Variants in SIPA1L1 observed in about 807,000 individuals in gnomAD.
The protein encoded by SIPA1L1 is signal-induced proliferation-associated 1-like protein 1.
A neutral mutation model predicts 162.7 loss-of-function variants in SIPA1L1; 26 were observed. The observed-to-expected ratio is 0.16, with a 90% CI of 0.12 to 0.22. The LOEUF (loss-of-function observed/expected upper bound fraction) is 0.22, where lower values mean the gene tolerates loss of function less well. SIPA1L1 is among the 10% of genes least tolerant of loss of function. The pLI is 1.00. For missense variants in SIPA1L1, 1,874 were observed against 2,241.0 expected (o/e 0.84, Z 3.31); for synonymous variants, 829 against 837.4 (o/e 0.99, Z 0.17).
At chr14:71,370,292 T>C (rs1215754321) in intron 2 of SIPA1L1, among the ~76,000 whole-genome samples, 3 of 151,868 alleles carry the variant, frequency 2.0e-5, no homozygotes, top group Non-Finnish European at 2.9e-5. Context: ...TTATATTGGC[T>C]GTGGGTTTGT....
chr14:71,514,884 G>T (rs1348230048), intron 3 of SIPA1L1, among the ~76,000 whole-genome samples: 1 of 152,158 alleles, frequency 6.6e-6, no homozygotes, highest in Non-Finnish European at 1.5e-5. Context: ...TATATCAATA[G>T]ATTTTAGACT....
At chr14:71,424,695 C>T (rs2043432979) in intron 2 of SIPA1L1, among the ~76,000 whole-genome samples, 1 of 151,986 alleles carries the variant, frequency 6.6e-6, no homozygotes, top group Admixed American at 6.6e-5. Flanking sequence ...AGGATTTTTG[C>T]ATCGGTATTC....
intron 13 of SIPA1L1, among the ~76,000 whole-genome samples, chr14:71,697,029 A>G (rs963742809): frequency 1.3e-5 from 2 of 152,054 alleles, no homozygotes; most frequent in African/African-American, 4.8e-5. Flanking sequence ...GGAGATGAGG[A>G]TGGGGTTTGG....
At chr14:71,354,056 C>T (rs2036981960) in intron 2 of SIPA1L1, among the ~76,000 whole-genome samples, 1 of 151,612 alleles carries the variant, frequency 6.6e-6, no homozygotes, top group South Asian at 2.1e-4. Flanking sequence ...TTTTTTTTTC[C>T]CCGTTTCTCT....
chr14:71,720,129 T>C (rs1379612288), intron 17 of SIPA1L1, among the ~76,000 whole-genome samples: 1 of 152,194 alleles, frequency 6.6e-6, no homozygotes, highest in Non-Finnish European at 1.5e-5. Flanking sequence ...AGTAGTCTTA[T>C]TTGGGTGGGA....
chr14:71,562,312 A>AT (rs1246119002), intron 4 of SIPA1L1, among the ~76,000 whole-genome samples: 2 of 151,964 alleles, frequency 1.3e-5, no homozygotes, highest in East Asian at 1.9e-4. Flanking sequence ...AATAATAATA[A>AT]TTTTTTGTTG....
At chr14:71,573,370 T>C in intron 4 of SIPA1L1, 1 of 353,668 alleles carries the variant, frequency 2.8e-6, no homozygotes, top group Non-Finnish European at 5.6e-6. Context: ...AAGGACTAAG[T>C]ATCCTAAAAT....
At chr14:71,486,164 C>T (rs918861662) in intron 2 of SIPA1L1, among the ~76,000 whole-genome samples, 1 of 152,154 alleles carries the variant, frequency 6.6e-6, no homozygotes, top group African/African-American at 2.4e-5. Flanking sequence ...AATGTATTTG[C>T]AACTGTTTTT....
intron 5 of SIPA1L1, among the ~76,000 whole-genome samples, chr14:71,615,743 A>T (rs1397768479): frequency 1.3e-5 from 2 of 152,256 alleles, no homozygotes; most frequent in Non-Finnish European, 2.9e-5. Context: ...ACAGTGGCTC[A>T]GGCCTGTAAT....
At chr14:71,693,537 C>T (rs1232719761) in intron 13 of SIPA1L1, among the ~76,000 whole-genome samples, 14 of 151,996 alleles carry the variant, frequency 9.2e-5, no homozygotes, top group Non-Finnish European at 1.5e-5. Context: ...CTAGTCTGAA[C>T]AGCTGGTATG....
At chr14:71,526,607 C>A (rs2052900734) in intron 3 of SIPA1L1, among the ~76,000 whole-genome samples, 1 of 152,140 alleles carries the variant, frequency 6.6e-6, no homozygotes, top group South Asian at 2.1e-4. Flanking sequence ...CGGAACACAG[C>A]CAAGCCCGTA....
chr14:71,598,984 ATATC>A (rs1157343510), intron 5 of SIPA1L1, among the ~76,000 whole-genome samples: 1 of 151,960 alleles, frequency 6.6e-6, no homozygotes, highest in African/African-American at 2.4e-5. Flanking sequence ...CTGGTCTCTG[ATATC>A]TATCGTTACA....
chr14:71,560,459 G>A (rs564484803), intron 4 of SIPA1L1, among the ~76,000 whole-genome samples: 1 of 152,156 alleles, frequency 6.6e-6, no homozygotes, highest in Non-Finnish European at 1.5e-5. Flanking sequence ...GAAGAAGGGG[G>A]AGTAAGAAGG....
rs1468500352 is a variant in SIPA1L1 at position 71,735,367 on chromosome 14, T to C, written c.5099T>C (p.Leu1700Pro). The C allele has an allele frequency of 1.2e-6, 2 of 1,613,866 alleles. No individual in the cohort carries two copies. The highest frequency in any genetic ancestry group is 2.2e-5 in the East Asian group (1 of 44,896). The change falls in exon 22 of 24, where the codon CTG (leucine) becomes CCG (proline). Residue 1700 changes from leucine to proline, a missense_variant. Leu to Pro is a moderately conservative substitution (Grantham distance 98). Transcript: ENST00000381232. ...AGTGATCAGCTGGAGGACCAGGCTC[T>C]GGCCCAGATGAAGCCTTACAGCAGG... ...SNSDQLEDQA[L>P]AQMKPYSSSK...
intron 2 of SIPA1L1, among the ~76,000 whole-genome samples, chr14:71,508,236 G>T (rs998475459): frequency 1.3e-5 from 2 of 152,070 alleles, no homozygotes; most frequent in Admixed American, 6.6e-5. Context: ...ACACTCCATG[G>T]GTCAAGGAAA....
At chr14:71,417,451 G>A (rs1333077253) in intron 2 of SIPA1L1, among the ~76,000 whole-genome samples, 5 of 78,614 alleles carry the variant, frequency 6.4e-5, no homozygotes, top group Admixed American at 4.3e-4. Flanking sequence ...CAGCCTGGGC[G>A]ACAGCGAGAC....
chr14:71,720,445 G>A (rs2083621604), intron 17 of SIPA1L1, among the ~76,000 whole-genome samples: 1 of 152,092 alleles, frequency 6.6e-6, no homozygotes, highest in Non-Finnish European at 1.5e-5. Flanking sequence ...GCTGGGCATG[G>A]TGGCGGGTGC....
intron 14 of SIPA1L1, among the ~76,000 whole-genome samples, chr14:71,700,655 G>A (rs2082013732): frequency 6.6e-6 from 1 of 152,300 alleles, no homozygotes; most frequent in South Asian, 2.1e-4. Flanking sequence ...GATGGGGTAT[G>A]TAAATGAAAA....
At chr14:71,721,708 A>G (rs542587062) in intron 17 of SIPA1L1, among the ~76,000 whole-genome samples, 10 of 152,228 alleles carry the variant, frequency 6.6e-5, no homozygotes, top group African/African-American at 2.4e-4. Flanking sequence ...CCTCTCCCCA[A>G]ACTTCCCTGC....
Sources: allele counts gnomAD v4.1 joint callset (sites outside exome capture counted in the v4.1 genomes callset), GRCh38; gene constraint gnomAD v4.1.1; transcripts MANE v1.5; gene names NCBI Gene and HGNC (gene_info 2026-07-23, HGNC 2026-07-21).